SYTL2: variants seen among roughly 807,000 people sequenced by gnomAD.
SYTL2 encodes synaptotagmin like 2.
In SYTL2, 165 loss-of-function variants were observed where a neutral mutation model predicts 198.7. The observed-to-expected ratio is 0.83, with a 90% CI of 0.73 to 0.94. The LOEUF (loss-of-function observed/expected upper bound fraction) is 0.94. Among genes scored for constraint, SYTL2 ranks in the 40% least tolerant of loss-of-function variants. SYTL2 has a pLI of 0.00. For synonymous variants in SYTL2, 966 were observed against 917.7 expected (o/e 1.05, Z -0.95); for missense variants, 2,835 against 2,582.8 (o/e 1.10, Z -2.12).
Position 85,748,259 on chromosome 11 carries a change from C to T in SYTL2, c.253+13G>A. The T allele has an allele frequency of 2.5e-6, 4 of 1,609,926 alleles. No individual in the cohort carries two copies. Among genetic ancestry groups the T allele is most frequent in the Non-Finnish European group, 2.5e-6 (3 of 1,177,114 alleles). ...GAATGCTTGTTGTAAATGCACTAGCCAAGTCAACTCACCTGCTATCTGGGG... is the reference window on the plus strand; with the variant it reads ...GAATGCTTGTTGTAAATGCACTAGCTAAGTCAACTCACCTGCTATCTGGGG... On this transcript the variant is annotated intron_variant, in intron 3 of 19. Coordinates refer to ENST00000359152, the MANE Select transcript of SYTL2 (RefSeq NM_206927.4).
chr11:85,769,421 G>A (rs934262170), intron 1 of SYTL2, among the ~76,000 whole-genome samples: 8 of 152,228 alleles, frequency 5.3e-5, no homozygotes, highest in African/African-American at 1.7e-4. Flanking sequence ...AATGCAGGCA[G>A]CCTGTAGCAG....
At chr11:85,837,722 T>A in the SYTL2 span, among the ~76,000 whole-genome samples, 1 of 152,160 alleles carries the variant, frequency 6.6e-6, no homozygotes, top group Non-Finnish European at 1.5e-5. Context: ...GGAACACACA[T>A]TATAATGACT....
At chr11:85,826,520 A>G in the SYTL2 span, among the ~76,000 whole-genome samples, 1 of 152,222 alleles carries the variant, frequency 6.6e-6, no homozygotes, top group Non-Finnish European at 1.5e-5. Flanking sequence ...GAGGTCAAGG[A>G]GGCAAGAAAT....
At chr11:85,748,217 G>C in intron 3 of SYTL2, 55 bp downstream of exon 3, 1 of 1,571,122 alleles carries the variant, frequency 6.4e-7, no homozygotes, top group Non-Finnish European at 8.7e-7. Flanking sequence ...CCTTCTCCCC[G>C]CTCCTCCTTC....
intron 18 of SYTL2, chr11:85,696,624 G>C (rs2083449082): frequency 1.9e-6 from 1 of 522,796 alleles, no homozygotes; most frequent in Non-Finnish European, 3.4e-6. Flanking sequence ...TACCTCCTGG[G>C]TATGCATTTT....
In SYTL2 at chr11:85,724,406, T is replaced by C; in HGVS notation, c.4952A>G (p.Asp1651Gly). ...AACTCCACTTCTGGAACCACAAAAA[T>C]CTACCAATAAATCAGTCACAAGTGC... ...GDALVTDLLVDFCGSRSGVEI... is the reference protein window; with the variant it reads ...GDALVTDLLVGFCGSRSGVEI... Residue 1651 changes from aspartate (D) to glycine (G), a missense_variant, in exon 8 of 20, where the codon GAT becomes GGT. Around this residue, in one of 3 missense-constraint regions of SYTL2, gnomAD observed 2,645 missense variants for 2,381.7 expected, o/e 1.11. Transcript: ENST00000359152. 1 of 1,599,680 alleles carries C rather than the reference T, an allele frequency of 6.3e-7. No individual in the cohort carries two copies. Among genetic ancestry groups the C allele is most frequent in the Non-Finnish European group, 8.5e-7 (1 of 1,174,288 alleles).
rs1358340980 is a variant in SYTL2 at position 85,748,373 on chromosome 11, C to T, written c.152G>A (p.Gly51Asp). The T allele has an allele frequency of 6.2e-7, 1 of 1,613,892 alleles. No homozygotes were observed. Among genetic ancestry groups the T allele is most frequent in the East Asian group, 2.2e-5 (1 of 44,900 alleles). The change falls in exon 3 of 20, where the codon GGC becomes GAC. Residue 51 changes from glycine (G) to aspartate (D), a missense_variant. Physicochemically the swap from Gly to Asp is moderately conservative, Grantham distance 94 (BLOSUM62 -1). Transcript: ENST00000359152. ...KDDQQLKNMS[G>D]QWFYEAKAKR... ...TGCCTTGGCTTCATAAAACCATTGGCCACTCATATTCTTCAGCTGCTGGTC... is the reference window on the plus strand; with the variant it reads ...TGCCTTGGCTTCATAAAACCATTGGTCACTCATATTCTTCAGCTGCTGGTC...
At chr11:85,844,029 G>A in the SYTL2 span, among the ~76,000 whole-genome samples, 41 of 152,278 alleles carry the variant, frequency 2.7e-4, no homozygotes, top group South Asian at 8.3e-4. Flanking sequence ...AGGGGCATTC[G>A]ATAGAAGAAG....
intron 1 of SYTL2, among the ~76,000 whole-genome samples, chr11:85,763,505 A>C (rs756326163): frequency 1.3e-5 from 2 of 152,176 alleles, no homozygotes; most frequent in Non-Finnish European, 2.9e-5. Context: ...TTAACAACCA[A>C]ATTTCCTTCC....
intron 17 of SYTL2, among the ~76,000 whole-genome samples, chr11:85,699,089 A>G (rs1454275120): frequency 6.6e-6 from 1 of 152,262 alleles, no homozygotes; most frequent in African/African-American, 2.4e-5. Context: ...TACAGAGAAT[A>G]CATGAAATAA....
chr11:85,717,074 G>C (rs2153444186), intron 11 of SYTL2: 1 of 153,896 alleles, frequency 6.5e-6, no homozygotes, highest in East Asian at 1.9e-4. Flanking sequence ...GTCCAAATAA[G>C]TTATAAATGA....
chr11:85,728,656 T>C (rs1483998949), intron 7 of SYTL2, among the ~76,000 whole-genome samples: 3 of 152,194 alleles, frequency 2.0e-5, no homozygotes, highest in Non-Finnish European at 4.4e-5. Flanking sequence ...TCCAGGAAGA[T>C]ATGCCATGCC....
At chr11:85,760,536 T>C (rs1287227253) in intron 1 of SYTL2, among the ~76,000 whole-genome samples, 1 of 152,156 alleles carries the variant, frequency 6.6e-6, no homozygotes, top group Non-Finnish European at 1.5e-5. Context: ...CTTCCTTAGA[T>C]CTCAAAAGCT....
At position 85,734,041 on chromosome 11, in the gene SYTL2, C is replaced by G. The variant is rs1565947750; in HGVS notation, c.1288G>C (p.Ala430Pro). ...GLHSHSEVLT[A>P]RPQSMENSPT... ...GAATTCTCCATAGACTGTGGTCTTG[C>G]AGTTAAAACTTCTGAATGAGAATGC... is the stretch of plus-strand genomic sequence containing the variant. The change falls in exon 7 of 20, where the codon GCA (alanine) becomes CCA (proline). Residue 430 changes from alanine (A) to proline (P), a missense_variant. Ala to Pro is a conservative substitution (Grantham distance 27, BLOSUM62 -1). This residue lies in a region of SYTL2 where 2,645 missense variants were observed against 2,381.7 expected (regional missense o/e 1.11). Transcript: ENST00000359152. 1 of 1,613,940 alleles carries G rather than the reference C, an allele frequency of 6.2e-7. No homozygotes were observed. The highest frequency in any genetic ancestry group is 8.5e-7 in the Non-Finnish European group (1 of 1,179,840).
chr11:85,745,716 T>C lies in SYTL2; in HGVS notation c.310A>G (p.Asn104Asp), dbSNP rs745520589. 1 of 1,613,558 alleles carries C rather than the reference T, an allele frequency of 6.2e-7. No homozygotes were observed. The highest frequency in any genetic ancestry group is 1.1e-5 in the South Asian group (1 of 91,058). ...GAKESWVNNV[N>D]KDAFLPPELA... ...TCTGGAGGAAGGAAAGCATCTTTGT[T>C]GACATTATTCACCCAGCTTTCCTTT... The change falls in exon 4 of 20, where the codon AAC (asparagine) becomes GAC (aspartate). Residue 104 changes from asparagine to aspartate, a missense_variant. Physicochemically the swap from Asn to Asp is conservative, Grantham distance 23. Coordinates refer to ENST00000359152, the MANE Select transcript of SYTL2 (RefSeq NM_206927.4).
chr11:85,799,781 A>G (rs543411750), intron 1 of SYTL2, among the ~76,000 whole-genome samples: 1 of 152,232 alleles, frequency 6.6e-6, no homozygotes, highest in East Asian at 1.9e-4. Context: ...ACATCTGACT[A>G]TGAACATCAC....
At chr11:85,731,108 C>T (rs1433207903) in intron 7 of SYTL2, among the ~76,000 whole-genome samples, 33 of 152,128 alleles carry the variant, frequency 2.2e-4, no homozygotes, top group Non-Finnish European at 1.5e-5. Flanking sequence ...AATGGAAAAA[C>T]ATTCCATGCT....
At chr11:85,787,889 T>C (rs751259136) in intron 1 of SYTL2, among the ~76,000 whole-genome samples, 2 of 152,072 alleles carry the variant, frequency 1.3e-5, no homozygotes, top group Non-Finnish European at 2.9e-5. Context: ...ACTCAGGAAA[T>C]ATCTACTGCT....
chr11:85,845,704 C>T, the SYTL2 span, among the ~76,000 whole-genome samples: 5 of 152,098 alleles, frequency 3.3e-5, no homozygotes, highest in Admixed American at 1.3e-4. Flanking sequence ...GTCAGGAGAT[C>T]GAGACCATCC....
Sources: gnomAD v4.1 joint callset for allele counts (sites outside exome capture counted in the v4.1 genomes callset) on GRCh38, gnomAD v4.1.1 for gene constraint, gnomAD v4.1.1 regional missense constraint, MANE v1.5 for transcripts, NCBI Gene and HGNC (gene_info 2026-07-23, HGNC 2026-07-21) for gene names.